The following TSEN2 variants were observed in gnomAD, a reference collection of about 807,000 sequenced individuals.
TSEN2 encodes the protein tRNA-splicing endonuclease subunit Sen2.
In TSEN2, 54 loss-of-function variants were observed where a neutral mutation model predicts 59.2. That is an observed-to-expected ratio of 0.91 (90% CI 0.73 to 1.14). TSEN2 has a LOEUF of 1.14. Ranked by LOEUF, TSEN2 falls within the 50% of genes most tolerant of loss-of-function variation. TSEN2 has a pLI of 0.00. For missense variants in TSEN2, 636 were observed against 576.2 expected (o/e 1.10, Z -1.06); for synonymous variants, 195 against 198.2 (o/e 0.98, Z 0.14).
intron 8 of TSEN2, among the ~76,000 whole-genome samples, chr3:12,520,174 A>G (rs987691982): frequency 8.6e-5 from 13 of 151,970 alleles, no homozygotes; most frequent in African/African-American, 2.9e-4. Context: ...AATTTTTTGT[A>G]TTGTTAGTAC....
At chr3:12,519,926 CATTTTACTAAGT>C (rs1276609693) in intron 8 of TSEN2, among the ~76,000 whole-genome samples, 1 of 152,114 alleles carries the variant, frequency 6.6e-6, no homozygotes, top group Non-Finnish European at 1.5e-5. Flanking sequence ...ATGTGCCAAG[CATTTTACTAAGT>C]ATTTTACATT....
At chr3:12,490,232 G>C (rs2053075267) in intron 2 of TSEN2, among the ~76,000 whole-genome samples, 1 of 151,858 alleles carries the variant, frequency 6.6e-6, no homozygotes, top group Admixed American at 6.6e-5. Context: ...GATGAAGTAG[G>C]TTCAATGGAT....
At chr3:12,511,039 G>C (rs1256879387) in intron 6 of TSEN2, 1 of 152,106 alleles carries the variant, frequency 6.6e-6, no homozygotes. Context: ...GTGTGCTGGT[G>C]GGCAGGAGAG....
At chr3:12,491,355 G>A (rs1575226899) in intron 2 of TSEN2, among the ~76,000 whole-genome samples, 1 of 152,072 alleles carries the variant, frequency 6.6e-6, no homozygotes, top group East Asian at 1.9e-4. Context: ...TCAATTTTCT[G>A]TGTGTTTAAA....
Position 12,503,591 on chromosome 3 carries a change from ATGCCTCACC to A in TSEN2, c.640_648del (p.Ala214_Pro216del). 6.3e-7 allele frequency: 1 copy of A among 1,598,930 alleles called. No homozygotes were observed. Among genetic ancestry groups the A allele is most frequent in the Non-Finnish European group, 8.5e-7 (1 of 1,170,642 alleles). The stretch of plus-strand genomic sequence containing the variant: ...AGCTTTGAGAAAAGCGTGCGAGAGG[ATGCCTCACC>A]TCTGCCCCATGTCTGTTGCTGCAAA... On this transcript the variant is annotated inframe_deletion, in exon 5 of 12. Transcript: ENST00000284995.
chr3:12,490,950 G>A (rs1040293170), intron 2 of TSEN2, among the ~76,000 whole-genome samples: 1 of 151,640 alleles, frequency 6.6e-6, no homozygotes, highest in Non-Finnish European at 1.5e-5. Context: ...ATAAAGTGCT[G>A]TATGCATTAT....
intron 6 of TSEN2, among the ~76,000 whole-genome samples, chr3:12,512,722 G>C (rs2055608578): frequency 6.6e-6 from 1 of 152,200 alleles, no homozygotes; most frequent in Non-Finnish European, 1.5e-5. Context: ...TCTGCTTTTA[G>C]CCAGTGACAT....
intron 3 of TSEN2, among the ~76,000 whole-genome samples, chr3:12,495,525 C>CT (rs1203371918): frequency 2.0e-5 from 3 of 152,224 alleles, no homozygotes; most frequent in African/African-American, 4.8e-5. Context: ...GCCAGTGAGC[C>CT]TGGCCATTTG....
intron 6 of TSEN2, chr3:12,506,863 C>T: frequency 3.0e-6 from 3 of 985,306 alleles, no homozygotes; most frequent in Non-Finnish European, 3.6e-6. Context: ...CTATGGAACA[C>T]ATCCATGTTG....
At chr3:12,531,894 C>T (rs1001829111) in intron 11 of TSEN2, among the ~76,000 whole-genome samples, 1 of 152,206 alleles carries the variant, frequency 6.6e-6, no homozygotes, top group African/African-American at 2.4e-5. Context: ...GTCCCCATCA[C>T]TCAGCTGAAA....
intron 7 of TSEN2, among the ~76,000 whole-genome samples, chr3:12,517,642 T>C (rs764140176): frequency 1.2e-4 from 19 of 152,220 alleles, no homozygotes; most frequent in Admixed American, 2.0e-4. Flanking sequence ...TAATCAGTCA[T>C]CAAATTCTGA....
At chr3:12,486,098 AG>A (rs1399011847) in intron 1 of TSEN2, among the ~76,000 whole-genome samples, 1 of 152,180 alleles carries the variant, frequency 6.6e-6, no homozygotes, top group African/African-American at 2.4e-5. Context: ...GGATTTTGGT[AG>A]GGGGTGAGTC....
chr3:12,507,310 C>T (rs940246654), intron 6 of TSEN2, among the ~76,000 whole-genome samples: 2 of 152,200 alleles, frequency 1.3e-5, no homozygotes, highest in African/African-American at 4.8e-5. Context: ...ACAGCAGATG[C>T]GTAGGCATTC....
intron 8 of TSEN2, among the ~76,000 whole-genome samples, chr3:12,525,002 C>T (rs1353566384): frequency 6.6e-6 from 1 of 152,096 alleles, no homozygotes; most frequent in African/African-American, 2.4e-5. Flanking sequence ...TCTTGACCTC[C>T]CGAAGTGCTG....
chr3:12,483,609 G>C (rs1206581868), upstream of TSEN2, among the ~76,000 whole-genome samples: 1 of 152,166 alleles, frequency 6.6e-6, no homozygotes, highest in Non-Finnish European at 1.5e-5. Flanking sequence ...AAGAACATTG[G>C]CAGAAGTCCA....
At chr3:12,489,389 A>G (rs2052980020) in intron 1 of TSEN2, among the ~76,000 whole-genome samples, 1 of 152,132 alleles carries the variant, frequency 6.6e-6, no homozygotes, top group Non-Finnish European at 1.5e-5. Context: ...CCCAGCACCT[A>G]TGATTATTAG....
intron 8 of TSEN2, among the ~76,000 whole-genome samples, chr3:12,523,996 C>T (rs1242247209): frequency 6.6e-6 from 1 of 152,214 alleles, no homozygotes; most frequent in Non-Finnish European, 1.5e-5. Flanking sequence ...CTCCTACATA[C>T]CATGTAATGC....
At chr3:12,536,311 C>T (rs2057671897), downstream of TSEN2, among the ~76,000 whole-genome samples, 1 of 152,136 alleles carries the variant, frequency 6.6e-6, no homozygotes, top group African/African-American at 2.4e-5. Flanking sequence ...AGGAGTAATT[C>T]ATGCATGCTG....
intron 7 of TSEN2, among the ~76,000 whole-genome samples, 169 bp downstream of exon 7, chr3:12,516,830 C>T (rs535710419): frequency 5.7e-4 from 87 of 152,134 alleles, no homozygotes; most frequent in Non-Finnish European, 1.0e-3. Context: ...TGGGACTGTT[C>T]GAGCAAAAGG....
Sources: allele counts gnomAD v4.1 joint callset (sites outside exome capture counted in the v4.1 genomes callset), GRCh38; gene constraint gnomAD v4.1.1; transcripts MANE v1.5; gene names NCBI Gene and HGNC (gene_info 2026-07-23, HGNC 2026-07-21).